KLF12: variants seen among roughly 807,000 people sequenced by gnomAD.
KLF12 encodes the protein KLF transcription factor 12.
In KLF12, 9 loss-of-function variants were observed where a neutral mutation model predicts 37.8. The ratio of observed to expected loss-of-function variants is 0.24; its 90% CI spans 0.14 to 0.42. The LOEUF (loss-of-function observed/expected upper bound fraction) is 0.42. Among genes scored for constraint, KLF12 ranks in the 10% least tolerant of loss-of-function variants. The pLI, the probability that KLF12 is intolerant of heterozygous loss-of-function variation, is 1.00. For synonymous variants in KLF12, 208 were observed against 202.1 expected, an observed-to-expected ratio of 1.03 and a Z score of -0.25; for missense variants, 411 against 516.0, an observed-to-expected ratio of 0.80 and a Z score of 1.97.
At chr13:73,945,059 A>C (rs1361454712) in intron 2 of KLF12, among the ~76,000 whole-genome samples, 8 of 152,180 alleles carry the variant, frequency 5.3e-5, no homozygotes, top group Non-Finnish European at 5.9e-5. Flanking sequence ...TATTAAGAGA[A>C]AAAAAAATCA....
At chr13:74,134,478 C>CCCTCGCCTCCCCGCCCGGA (rs1429367426), upstream of KLF12, among the ~76,000 whole-genome samples, 2 of 152,016 alleles carry the variant, frequency 1.3e-5, no homozygotes, top group Non-Finnish European at 2.9e-5. Flanking sequence ...CACTGCCCGG[C>CCCTCGCCTCCCCGCCCGGA]CCTCGCCTCC....
intron 4 of KLF12, among the ~76,000 whole-genome samples, chr13:73,830,582 A>G (rs1219277780): frequency 6.6e-6 from 1 of 152,218 alleles, no homozygotes; most frequent in Non-Finnish European, 1.5e-5. Flanking sequence ...TAGTGCTCAG[A>G]ATTTTATTGA....
intron 2 of KLF12, chr13:73,962,162 C>A: frequency 8.8e-6 from 3 of 342,636 alleles, no homozygotes; most frequent in Admixed American, 4.0e-5. Context: ...AGTTATCAAG[C>A]CATGAAAAGA....
chr13:74,069,362 G>A (rs2138692536), intron 1 of KLF12, among the ~76,000 whole-genome samples: 2 of 152,304 alleles, frequency 1.3e-5, no homozygotes, highest in South Asian at 4.1e-4. Flanking sequence ...TGTTAAGCAT[G>A]GAAAAGAAAA....
chr13:73,978,278 A>G (rs566552363), intron 2 of KLF12, among the ~76,000 whole-genome samples: 1 of 152,212 alleles, frequency 6.6e-6, no homozygotes, highest in Non-Finnish European at 1.5e-5. Context: ...GAAAAAAAAG[A>G]GTGTAAAAAA....
At chr13:74,152,754 C>A in the KLF12 span, among the ~76,000 whole-genome samples, 1 of 151,584 alleles carries the variant, frequency 6.6e-6, no homozygotes, top group East Asian at 1.9e-4. Context: ...TAGTGGTGTG[C>A]ACGTCAGTAG....
chr13:73,809,433 AAACT>A (rs1340921017), intron 5 of KLF12, among the ~76,000 whole-genome samples: 1 of 146,656 alleles, frequency 6.8e-6, no homozygotes, highest in Non-Finnish European at 1.5e-5. Context: ...AATAAAGGAT[AAACT>A]AACAGAAAAG....
chr13:73,958,527 G>A (rs1890920280), intron 2 of KLF12, among the ~76,000 whole-genome samples: 1 of 152,152 alleles, frequency 6.6e-6, no homozygotes, highest in Non-Finnish European at 1.5e-5. Context: ...ACAGGCGTGA[G>A]CCACTGTGCC....
the KLF12 span, among the ~76,000 whole-genome samples, chr13:74,268,731 A>C: frequency 1.3e-5 from 2 of 152,214 alleles, no homozygotes; most frequent in East Asian, 3.8e-4. Context: ...ACAGCTCATA[A>C]TGTGCCCTAG....
At chr13:73,762,502 T>C (rs145769707) in intron 6 of KLF12, among the ~76,000 whole-genome samples, 138 of 152,316 alleles carry the variant, frequency 9.1e-4, no homozygotes, top group African/African-American at 3.1e-3. Context: ...GTTGGAGGCT[T>C]TTCTTCTTTT....
intron 1 of KLF12, among the ~76,000 whole-genome samples, chr13:74,042,395 G>C (rs941649041): frequency 1.3e-5 from 2 of 151,956 alleles, no homozygotes; most frequent in African/African-American, 4.8e-5. Context: ...TCAGCGTTAA[G>C]GACCCAATCT....
chr13:74,024,792 T>C (rs1411823044), intron 1 of KLF12, among the ~76,000 whole-genome samples: 1 of 152,212 alleles, frequency 6.6e-6, no homozygotes, highest in Admixed American at 6.5e-5. Flanking sequence ...CTCTAAAACA[T>C]AGGAAATTAG....
At chr13:73,944,718 C>T (rs866380081) in intron 2 of KLF12, among the ~76,000 whole-genome samples, 1 of 151,996 alleles carries the variant, frequency 6.6e-6, no homozygotes, top group African/African-American at 2.4e-5. Context: ...CTCAATTTAC[C>T]ACCTCTTGAA....
At chr13:73,966,260 T>G (rs747526079) in intron 2 of KLF12, among the ~76,000 whole-genome samples, 1 of 152,222 alleles carries the variant, frequency 6.6e-6, no homozygotes, top group African/African-American at 2.4e-5. Context: ...AGATAAATTA[T>G]ATGAAGCTAC....
chr13:73,704,514 A>G (rs1208507944), intron 7 of KLF12, among the ~76,000 whole-genome samples: 1 of 152,130 alleles, frequency 6.6e-6, no homozygotes, highest in African/African-American at 2.4e-5. Flanking sequence ...CTATCCAGCA[A>G]TCCTCCCAGT....
At chr13:73,787,501 T>C (rs760098911) in intron 5 of KLF12, among the ~76,000 whole-genome samples, 2 of 152,256 alleles carry the variant, frequency 1.3e-5, no homozygotes, top group Non-Finnish European at 2.9e-5. Context: ...GACAATTTCT[T>C]GAGTTCTTGC....
At chr13:74,207,346 A>G in the KLF12 span, among the ~76,000 whole-genome samples, 1 of 152,330 alleles carries the variant, frequency 6.6e-6, no homozygotes, top group South Asian at 2.1e-4. Flanking sequence ...GGGATGGGAA[A>G]GTACAATTGT....
At chr13:73,980,461 T>C (rs980022495) in intron 2 of KLF12, among the ~76,000 whole-genome samples, 3 of 152,144 alleles carry the variant, frequency 2.0e-5, no homozygotes, top group Non-Finnish European at 2.9e-5. Flanking sequence ...TTACTAAACA[T>C]ATCCCAGTGG....
At chr13:73,776,477 G>A (rs1880615442) in intron 5 of KLF12, among the ~76,000 whole-genome samples, 1 of 152,194 alleles carries the variant, frequency 6.6e-6, no homozygotes, top group African/African-American at 2.4e-5. Context: ...TTGGCAAGAA[G>A]CTTATGAAGT....
Sources: allele counts gnomAD v4.1 joint callset (sites outside exome capture counted in the v4.1 genomes callset), GRCh38; gene constraint gnomAD v4.1.1; transcripts MANE v1.5; gene names NCBI Gene and HGNC (gene_info 2026-07-23, HGNC 2026-07-21).